Variants in LRBA observed in about 807,000 individuals in gnomAD.
LRBA encodes the protein lipopolysaccharide-responsive and beige-like anchor protein.
Under a neutral mutation model 330.0 loss-of-function variants are expected in LRBA, and 176 were observed. The ratio of observed to expected loss-of-function variants is 0.53; its 90% CI spans 0.47 to 0.60. LRBA has a LOEUF of 0.60. LRBA is among the 20% of genes least tolerant of loss of function. The pLI, the probability that LRBA is intolerant of heterozygous loss-of-function variation, is 0.00. For synonymous variants in LRBA, 1,230 were observed against 1,193.0 expected, an observed-to-expected ratio of 1.03 and a Z score of -0.64; for missense variants, 3,259 against 3,444.8, an observed-to-expected ratio of 0.95 and a Z score of 1.35.
chr4:150,680,070 G>C (rs1299824350), intron 37 of LRBA, among the ~76,000 whole-genome samples: 2 of 152,122 alleles, frequency 1.3e-5, no homozygotes, highest in African/African-American at 4.8e-5. Context: ...TAAACACAAT[G>C]CCTGCTCCAT....
chr4:151,003,077 A>AGTGTGTGTGT (rs1561118011), intron 2 of LRBA, among the ~76,000 whole-genome samples: 1 of 146,888 alleles, frequency 6.8e-6, no homozygotes, highest in African/African-American at 2.6e-5. Context: ...TGTGTGTACC[A>AGTGTGTGTGT]ACATCATTTT....
intron 34 of LRBA, among the ~76,000 whole-genome samples, chr4:150,775,911 G>C (rs1484869824): frequency 2.0e-5 from 3 of 150,640 alleles, no homozygotes; most frequent in African/African-American, 7.3e-5. Flanking sequence ...AGAGAAGAGA[G>C]AGGAGGGCAG....
Position 150,908,847 on chromosome 4 carries a change from T to G in LRBA, c.1172A>C (p.Lys391Thr). 1 of 1,610,602 alleles carries G rather than the reference T, an allele frequency of 6.2e-7. No homozygotes were observed. Among genetic ancestry groups the G allele is most frequent in the African/African-American group, 1.3e-5 (1 of 74,938 alleles). The change falls in exon 10 of 57, where the codon AAA becomes ACA. Residue 391 changes from lysine to threonine, a missense_variant. Lys to Thr is a moderately conservative substitution (Grantham distance 78, BLOSUM62 -1). Transcript: ENST00000651943. ...GAAAAGGTCGCTTTCTGCTTTGAAT[T>G]TAAATGTACCCTAAGAATTAATTAA... Reference protein sequence around the residue: ...QLGLGYKGTFKFKAESDLFLA... With the variant: ...QLGLGYKGTFTFKAESDLFLA...
intron 37 of LRBA, among the ~76,000 whole-genome samples, chr4:150,638,335 T>C (rs1021540396): frequency 6.6e-6 from 1 of 152,200 alleles, no homozygotes; most frequent in Non-Finnish European, 1.5e-5. Context: ...CCAACTTCTT[T>C]AATTATTATC....
At chr4:150,373,164 TGTGTGTGTGAGAGAGAGAGA>T (rs1203807924) in intron 47 of LRBA, among the ~76,000 whole-genome samples, 17 of 135,114 alleles carry the variant, frequency 1.3e-4, no homozygotes, top group Non-Finnish European at 2.3e-4. Context: ...TGTGTGTGTG[TGTGTGTGTGAGAGAGAGAGA>T]GAGAGAGAGA....
intron 4 of LRBA, among the ~76,000 whole-genome samples, 174 bp from the exon 5 acceptor site, chr4:150,921,467 C>T (rs995252941): frequency 1.3e-5 from 2 of 152,132 alleles, no homozygotes; most frequent in East Asian, 1.9e-4. Context: ...GTACTCTACA[C>T]CAGTTTTTGT....
At chr4:150,784,161 A>T (rs1738675409) in intron 34 of LRBA, among the ~76,000 whole-genome samples, 1 of 152,248 alleles carries the variant, frequency 6.6e-6, no homozygotes, top group South Asian at 2.1e-4. Flanking sequence ...AAATTGTAAA[A>T]TAATTAAATC....
At chr4:150,275,520 A>G (rs1746643430) in intron 56 of LRBA, among the ~76,000 whole-genome samples, 1 of 152,238 alleles carries the variant, frequency 6.6e-6, no homozygotes, top group Non-Finnish European at 1.5e-5. Context: ...ATGATTGTAT[A>G]TTTAGAAAAC....
At chr4:150,513,488 G>GTCC (rs1762038494) in intron 40 of LRBA, among the ~76,000 whole-genome samples, 1 of 152,122 alleles carries the variant, frequency 6.6e-6, no homozygotes, top group South Asian at 2.1e-4. Flanking sequence ...TCCCACCTGG[G>GTCC]TCCTCATTGG....
intron 37 of LRBA, among the ~76,000 whole-genome samples, chr4:150,639,817 GTGTATATATATATATATATA>G (rs1469195379): frequency 0.039 from 211 of 5,370 alleles, 30 homozygotes; most frequent in East Asian, 0.28. Context: ...GTGTGTGTGT[GTGTATATATATATATATATA>G]TATATATATA....
chr4:150,424,568 G>T (rs1232567536), intron 46 of LRBA, among the ~76,000 whole-genome samples: 1 of 152,220 alleles, frequency 6.6e-6, no homozygotes, highest in African/African-American at 2.4e-5. Flanking sequence ...AAACCATGGT[G>T]CCTTGGACAG....
At chr4:150,884,268 G>A (rs962273248) in intron 17 of LRBA, among the ~76,000 whole-genome samples, 1 of 152,154 alleles carries the variant, frequency 6.6e-6, no homozygotes, top group East Asian at 1.9e-4. Context: ...CAGAGATACA[G>A]GCACAATTCA....
At chr4:150,768,177 T>C (rs1359376046) in intron 34 of LRBA, among the ~76,000 whole-genome samples, 1 of 151,670 alleles carries the variant, frequency 6.6e-6, no homozygotes, top group East Asian at 1.9e-4. Context: ...ATGAGATACA[T>C]TAAGAAATTT....
intron 2 of LRBA, among the ~76,000 whole-genome samples, chr4:150,991,869 T>C (rs1465335356): frequency 6.6e-6 from 1 of 152,174 alleles, no homozygotes; most frequent in African/African-American, 2.4e-5. Context: ...GCTCATGATC[T>C]AATGAGAGAA....
intron 36 of LRBA, among the ~76,000 whole-genome samples, chr4:150,699,946 T>C (rs1040168150): frequency 2.6e-5 from 4 of 152,080 alleles, no homozygotes; most frequent in African/African-American, 9.7e-5. Flanking sequence ...AAATTCAAAA[T>C]TCAAAATGCT....
intron 36 of LRBA, among the ~76,000 whole-genome samples, chr4:150,731,542 C>G (rs1356074380): frequency 6.6e-6 from 1 of 152,164 alleles, no homozygotes; most frequent in Admixed American, 6.5e-5. Flanking sequence ...AAGCTATGCG[C>G]AGAAAGACAA....
intron 47 of LRBA, among the ~76,000 whole-genome samples, chr4:150,364,937 A>G (rs1246601605): frequency 6.6e-6 from 1 of 151,884 alleles, no homozygotes; most frequent in Admixed American, 6.6e-5. Flanking sequence ...ATAATAAAAT[A>G]TCATAAAAAT....
chr4:150,617,410 G>A (rs1336556134), intron 37 of LRBA, among the ~76,000 whole-genome samples: 2 of 152,204 alleles, frequency 1.3e-5, no homozygotes, highest in Non-Finnish European at 2.9e-5. Flanking sequence ...GGGAGGCCAA[G>A]GTGGGCAGAT....
intron 13 of LRBA, among the ~76,000 whole-genome samples, chr4:150,903,900 G>A (rs1293115067): frequency 2.6e-5 from 4 of 152,082 alleles, no homozygotes; most frequent in Admixed American, 2.0e-4. Context: ...AATTCTATGA[G>A]GGCAAGTATC....
Sources: allele counts gnomAD v4.1 joint callset (sites outside exome capture counted in the v4.1 genomes callset), GRCh38; gene constraint gnomAD v4.1.1; transcripts MANE v1.5; gene names NCBI Gene and HGNC (gene_info 2026-07-23, HGNC 2026-07-21).